CIROZ: variants seen among roughly 807,000 people sequenced by gnomAD.
CIROZ encodes the protein ciliated left-right organizer protein containing ZP-N domains.
At chr1:10,969,778 G>A in the CIROZ span, among the ~76,000 whole-genome samples, 12 of 149,250 alleles carry the variant, frequency 8.0e-5, no homozygotes, top group East Asian at 1.9e-4. Context: ...GAGGAGTGCC[G>A]GGATTGTGAC....
the CIROZ span, chr1:10,957,508 C>G: frequency 3.4e-6 from 5 of 1,491,390 alleles, no homozygotes; most frequent in Non-Finnish European, 4.5e-6. Context: ...TGTCCAGTCT[C>G]GCAGGTGGAC....
chr1:10,957,619 C>T, the CIROZ span: 1 of 1,614,062 alleles, frequency 6.2e-7, no homozygotes, highest in African/African-American at 1.3e-5. Flanking sequence ...CACTGACCTC[C>T]CACCTCTGAA....
At chr1:10,964,083 C>A in the CIROZ span, 1 of 1,604,390 alleles carries the variant, frequency 6.2e-7, no homozygotes. Flanking sequence ...GAAGCCCAGC[C>A]TGGGAGGTCC....
the CIROZ span, chr1:10,948,455 G>A: frequency 6.2e-7 from 1 of 1,613,950 alleles, no homozygotes; most frequent in Non-Finnish European, 8.5e-7. Flanking sequence ...TCAGCAGGAG[G>A]GGACTTCCTG....
At chr1:10,978,344 G>A in the CIROZ span, among the ~76,000 whole-genome samples, 6,198 of 150,952 alleles carry the variant, frequency 0.041, 449 homozygotes, top group African/African-American at 0.14. Context: ...CCACTGCACC[G>A]AGCCCCCAAA....
the CIROZ span, among the ~76,000 whole-genome samples, chr1:10,968,153 C>T: frequency 2.7e-5 from 4 of 149,016 alleles, no homozygotes; most frequent in Non-Finnish European, 5.9e-5. Flanking sequence ...AGTGAGACTC[C>T]GTCTCAATAA....
At chr1:10,974,122 A>C in the CIROZ span, among the ~76,000 whole-genome samples, 4 of 152,172 alleles carry the variant, frequency 2.6e-5, no homozygotes, top group Admixed American at 2.0e-4. The surrounding 1 kb of genome is among the most constrained non-coding windows in gnomAD (Gnocchi z 4.4). Flanking sequence ...GCAGGTCCCC[A>C]GTAAGGCCCC....
chr1:10,964,074 A>C, the CIROZ span: 6 of 1,596,236 alleles, frequency 3.8e-6, no homozygotes, highest in Non-Finnish European at 5.1e-6. Flanking sequence ...CTTTAGAGAG[A>C]AGCCCAGCCT....
the CIROZ span, among the ~76,000 whole-genome samples, chr1:10,968,247 C>T: frequency 6.6e-6 from 1 of 152,184 alleles, no homozygotes; most frequent in Non-Finnish European, 1.5e-5. Context: ...TTTTGATTAT[C>T]TCCTTTGGAT....
chr1:10,947,504 C>T, the CIROZ span: 3 of 580,252 alleles, frequency 5.2e-6, no homozygotes, highest in Non-Finnish European at 8.0e-6. Flanking sequence ...CTAGCTGTGG[C>T]TGAGCACAGT....
chr1:10,949,945 G>T, the CIROZ span: 2 of 776,062 alleles, frequency 2.6e-6, no homozygotes, highest in Non-Finnish European at 4.0e-6. Context: ...TCAGATGCAA[G>T]TCCTGGGTTG....
chr1:10,962,266 G>C, the CIROZ span, among the ~76,000 whole-genome samples: 3 of 151,804 alleles, frequency 2.0e-5, no homozygotes, highest in Admixed American at 6.6e-5. Context: ...GCCAACATGA[G>C]GAAACCCCGT....
chr1:10,956,137 A>C, the CIROZ span, among the ~76,000 whole-genome samples: 2 of 152,094 alleles, frequency 1.3e-5, no homozygotes, highest in Admixed American at 1.3e-4. Context: ...AACCACCTCT[A>C]ATCTACCCAC....
At chr1:10,976,299 G>T in the CIROZ span, 2 of 1,253,488 alleles carry the variant, frequency 1.6e-6, no homozygotes, top group Non-Finnish European at 1.1e-6. Flanking sequence ...GCACCGCCCA[G>T]CTGCTGCCTC....
chr1:10,977,252 G>A, the CIROZ span, among the ~76,000 whole-genome samples: 1 of 151,800 alleles, frequency 6.6e-6, no homozygotes, highest in African/African-American at 2.4e-5. Flanking sequence ...GGGAGGCCGA[G>A]GCGGGCAGAT....
At chr1:10,948,578 TG>T in the CIROZ span, 4 of 1,613,968 alleles carry the variant, frequency 2.5e-6, no homozygotes, top group Non-Finnish European at 3.4e-6. Context: ...GGGCTGGCGG[TG>T]AAGGAGAGGA....
chr1:10,951,750 A>G, the CIROZ span, among the ~76,000 whole-genome samples: 1 of 143,830 alleles, frequency 7.0e-6, no homozygotes, highest in Non-Finnish European at 1.5e-5. Flanking sequence ...AAAAAAATAT[A>G]TATATATATA....
chr1:10,956,018 T>C, the CIROZ span, among the ~76,000 whole-genome samples: 4 of 152,106 alleles, frequency 2.6e-5, no homozygotes, highest in South Asian at 8.3e-4. Context: ...GGGAAAGAGA[T>C]GGTTGGAGGC....
At chr1:10,970,137 G>GAAGGAAGGAAGGAAGGAAGA in the CIROZ span, 8 of 1,337,174 alleles carry the variant, frequency 6.0e-6, no homozygotes, top group African/African-American at 1.2e-4. Flanking sequence ...AGGGAGGGAG[G>GAAGGAAGGAAGGAAGGAAGA]AAGGAAGGAA....
Sources: allele counts gnomAD v4.1 joint callset (sites outside exome capture counted in the v4.1 genomes callset), GRCh38; gene constraint gnomAD v4.1.1; non-coding constraint Gnocchi (gnomAD v3.1); transcripts MANE v1.5; gene names NCBI Gene and HGNC (gene_info 2026-07-23, HGNC 2026-07-21).